MEGF6: variants seen among roughly 807,000 people sequenced by gnomAD.
MEGF6 encodes the protein multiple EGF like domains 6, also known as multiple epidermal growth factor-like domains protein 6.
MEGF6 carries 184 observed loss-of-function variants against 207.1 expected under a neutral mutation model. The ratio of observed to expected loss-of-function variants is 0.89; its 90% CI spans 0.79 to 1.00. The LOEUF (loss-of-function observed/expected upper bound fraction) is 1.00. Among genes scored for constraint, MEGF6 ranks in the 50% least tolerant of loss-of-function variants. The probability of loss-of-function intolerance (pLI) is 0.00; values close to 1 mark genes in which losing one functional copy is unlikely to be tolerated. For synonymous variants in MEGF6, 1,038 were observed against 910.0 expected, an observed-to-expected ratio of 1.14 and a Z score of -2.53; for missense variants, 2,282 against 2,202.9, an observed-to-expected ratio of 1.04 and a Z score of -0.72.
Position 3,492,629 on chromosome 1 carries a change from C to T in MEGF6, c.4516+10G>A. 6.2e-7 allele frequency: 1 copy of T among 1,603,294 alleles called. No individual in the cohort carries two copies. The highest frequency in any genetic ancestry group is 8.5e-7 in the Non-Finnish European group (1 of 1,172,074). ...TGCCTTCCCGCCCTTCCCCAGGAAGCCCAGCTCACCTTCCCGGCACGTGGG... is the reference window on the plus strand; with the variant it reads ...TGCCTTCCCGCCCTTCCCCAGGAAGTCCAGCTCACCTTCCCGGCACGTGGG... On this transcript the variant is annotated intron_variant, in intron 35 of 36. Transcript: ENST00000356575.
At chr1:3,521,902 G>A (rs1641765628) in intron 5 of MEGF6, among the ~76,000 whole-genome samples, 1 of 152,214 alleles carries the variant, frequency 6.6e-6, no homozygotes, top group Admixed American at 6.5e-5. Context: ...GCCTAGAAAT[G>A]GGGCTAGTCC....
At chr1:3,613,725 A>G (rs569295520), upstream of MEGF6, among the ~76,000 whole-genome samples, 1 of 152,164 alleles carries the variant, frequency 6.6e-6, no homozygotes, top group Non-Finnish European at 1.5e-5. Context: ...AAAATCATAT[A>G]AAAGTAAGTT....
chr1:3,503,132 G>A (rs766438594), intron 17 of MEGF6, among the ~76,000 whole-genome samples: 17 of 152,126 alleles, frequency 1.1e-4, no homozygotes, highest in South Asian at 6.2e-4. Flanking sequence ...ACCTGACCCC[G>A]CTGAGGCCCT....
At chr1:3,509,048 G>GC in intron 12 of MEGF6, 27 bp downstream of exon 12, 1 of 1,510,210 alleles carries the variant, frequency 6.6e-7, no homozygotes, top group Non-Finnish European at 8.8e-7. Context: ...GCGAGCAGGA[G>GC]CCCCCGGGGG....
rs574851737 is a variant in MEGF6, at chr1:3,496,916, G to C, written c.3613+72C>G. 53 of 1,529,526 alleles carry C rather than the reference G, an allele frequency of 3.5e-5. 1 individual carries two copies. Among genetic ancestry groups the C allele is most frequent in the Non-Finnish European group, 4.2e-5 (48 of 1,135,792 alleles). The allele number at this position is 1,529,526 out of a possible 1,614,324, so 94.7% of individuals were successfully genotyped here. A position where few individuals can be genotyped will look rare whatever the true frequency, so the allele number is the denominator to read the frequency against. ...CCCCTCAGATGAGGGCCTTCCCGGG[G>C]ACCAGGGGAACTGGGGCCCAGCACG... On this transcript the variant is annotated intron_variant, in intron 28 of 36. Coordinates refer to ENST00000356575, the MANE Select transcript of MEGF6 (RefSeq NM_001409.4).
At chr1:3,514,744 C>A in intron 6 of MEGF6, 72 bp from the exon 7 acceptor site, 2 of 1,459,926 alleles carry the variant, frequency 1.4e-6, no homozygotes, top group South Asian at 1.3e-5. Context: ...TGCCCCCAGG[C>A]TTCTTGTGAG....
Position 3,499,168 on chromosome 1 carries a change from G to A in MEGF6, c.3064C>T (p.Pro1022Ser), listed in dbSNP as rs1640742755. Residue 1022 changes from proline (P) to serine (S), a missense_variant, in exon 24 of 37, where the codon CCT becomes TCT. Transcript: ENST00000356575. ...AGGCAGGAGGGCCCCATCCAGCCAG[G>A]GGCACAGTGGCACTGCCCGTGGACA... is the stretch of plus-strand genomic sequence containing the variant. ...DPVHGQCHCA[P>S]GWMGPSCLQA... The A allele has an allele frequency of 1.9e-6, 3 of 1,604,256 alleles. No individual in the cohort carries two copies. Among genetic ancestry groups the A allele is most frequent in the Non-Finnish European group, 8.5e-7 (1 of 1,176,862 alleles).
At chr1:3,523,077 G>GGT (rs200683435) in intron 5 of MEGF6, among the ~76,000 whole-genome samples, 57 of 146,916 alleles carry the variant, frequency 3.9e-4, no homozygotes, top group South Asian at 1.0e-3. Context: ...TGTGTGCCGG[G>GGT]GGGGGGGCCC....
chr1:3,582,503 C>T (rs10909974), intron 3 of MEGF6, among the ~76,000 whole-genome samples: 32,383 of 152,178 alleles, frequency 0.21, 3,848 homozygotes, highest in East Asian at 0.37. Context: ...CCTCTGCAGA[C>T]GCCTCTTAGC....
At chr1:3,567,062 A>G (rs1570152011) in intron 4 of MEGF6, among the ~76,000 whole-genome samples, 2 of 152,214 alleles carry the variant, frequency 1.3e-5, no homozygotes, top group South Asian at 2.1e-4. Context: ...CGGCAGGTGC[A>G]CTTGGGGCCT....
upstream of MEGF6, among the ~76,000 whole-genome samples, chr1:3,613,083 C>T (rs541666008): frequency 1.2e-4 from 18 of 152,326 alleles, no homozygotes; most frequent in Middle Eastern, 3.4e-3. Flanking sequence ...CAGGAATCCC[C>T]AAGAGGTGAG....
intron 4 of MEGF6, among the ~76,000 whole-genome samples, chr1:3,536,343 C>CG (rs36106109): frequency 0.077 from 11,666 of 152,194 alleles, 613 homozygotes; most frequent in Admixed American, 0.13. Context: ...CTCTGGGGTA[C>CG]GGGGGCATCG....
intron 4 of MEGF6, chr1:3,531,354 G>C (rs1642162785): frequency 8.4e-7 from 1 of 1,192,168 alleles, no homozygotes; most frequent in Non-Finnish European, 1.0e-6. Flanking sequence ...GGTTCCGGGC[G>C]GGCGCGCAAT....
chr1:3,491,128 TGGG>T (rs34728586), intron 35 of MEGF6, among the ~76,000 whole-genome samples, 169 bp from the exon 36 acceptor site: 7 of 130,488 alleles, frequency 5.4e-5, no homozygotes, highest in African/African-American at 1.0e-4. Context: ...GGGCGGGAGC[TGGG>T]GGGGGGGGCT....
chr1:3,495,775 G>A (rs1640572034), intron 30 of MEGF6, 115 bp downstream of exon 30: 41 of 1,324,572 alleles, frequency 3.1e-5, no homozygotes, highest in Non-Finnish European at 4.0e-5. Context: ...GGAGCTGGTG[G>A]CAGCCAGGAT....
At chr1:3,572,095 C>T (rs531059121) in intron 4 of MEGF6, among the ~76,000 whole-genome samples, 229 of 131,938 alleles carry the variant, frequency 1.7e-3, no homozygotes, top group African/African-American at 5.5e-3. Flanking sequence ...TGGGTCCTCC[C>T]GGGTGTGCTG....
Position 3,506,208 on chromosome 1 carries a change from G to C in MEGF6, c.1818C>G (p.His606Gln), listed in dbSNP as rs1413652124. 6.2e-7 allele frequency: 1 copy of C among 1,607,882 alleles called. No homozygotes were observed. The highest frequency in any genetic ancestry group is 2.2e-5 in the East Asian group (1 of 44,752). ...DGCPKGYYGK[H>Q]CRKKCNCANR... is the part of the protein sequence containing the mutation. ...TGGCACAGTTGCATTTCTTGCGACA[G>C]TGCTTGCCATAGTAGCCCTTGGGGC... Residue 606 changes from histidine to glutamine, a missense_variant, in exon 15 of 37, where the codon CAC (histidine) becomes CAG (glutamine). Physicochemically the swap from His to Gln is conservative, Grantham distance 24. Transcript: ENST00000356575.
intron 18 of MEGF6, 125 bp from the exon 19 acceptor site, chr1:3,501,433 G>T: frequency 2.2e-6 from 3 of 1,380,532 alleles, no homozygotes; most frequent in South Asian, 2.8e-5. Flanking sequence ...ATCTCAGCCT[G>T]CCCCGGGGAG....
At position 3,573,124 on chromosome 1, in the gene MEGF6, T is replaced by C. The variant is rs1054138558; in HGVS notation, c.481+6701A>G. On this transcript the variant is annotated intron_variant, in intron 4 of 36. Coordinates refer to ENST00000356575, the MANE Select transcript of MEGF6 (RefSeq NM_001409.4). The surrounding 1 kb of genome is among the most constrained non-coding windows in gnomAD (Gnocchi z 5.1). ...TCCTGGTATGCTGGGTCCTCCTGTG[T>C]GTGCTGGGTCCTCCCTGGTGGGCTG... Among the ~76,000 whole-genome samples, 1 of 151,288 alleles carries C rather than the reference T, an allele frequency of 6.6e-6. No homozygotes were observed. The highest frequency in any genetic ancestry group is 2.4e-5 in the African/African-American group (1 of 41,064).
Sources: allele counts gnomAD v4.1 joint callset (sites outside exome capture counted in the v4.1 genomes callset), GRCh38; gene constraint gnomAD v4.1.1; non-coding constraint Gnocchi (gnomAD v3.1); transcripts MANE v1.5; gene names NCBI Gene and HGNC (gene_info 2026-07-23, HGNC 2026-07-21).